The following NAV3 variants were observed in gnomAD, a reference collection of about 807,000 sequenced individuals.
NAV3 encodes the protein pore membrane and/or filament interacting like protein 1.
In NAV3, 87 loss-of-function variants were observed where a neutral mutation model predicts 244.7. The ratio of observed to expected loss-of-function variants is 0.36; its 90% CI spans 0.30 to 0.42. The LOEUF (loss-of-function observed/expected upper bound fraction) is 0.42. Among genes scored for constraint, NAV3 ranks in the 20% least tolerant of loss-of-function variants. The pLI, the probability that NAV3 is intolerant of heterozygous loss-of-function variation, is 1.00. For synonymous variants in NAV3, 1,126 were observed against 1,042.2 expected, an observed-to-expected ratio of 1.08 and a Z score of -1.55; for missense variants, 2,663 against 2,893.3, an observed-to-expected ratio of 0.92 and a Z score of 1.83.
chr12:77,897,461 G>C (rs1465016134), intron 1 of NAV3, among the ~76,000 whole-genome samples: 9 of 152,086 alleles, frequency 5.9e-5, no homozygotes, highest in Admixed American at 5.9e-4. Context: ...CCTCATCTCT[G>C]CTTTTTGATA....
At chr12:78,191,435 A>C (rs1033566882) in intron 34 of NAV3, among the ~76,000 whole-genome samples, 1 of 152,126 alleles carries the variant, frequency 6.6e-6, no homozygotes, top group African/African-American at 2.4e-5. Context: ...TGCACAGTGC[A>C]CGCGCACATA....
In NAV3 at chr12:78,073,809, A is replaced by G. The variant is rs577098129; in HGVS notation, c.2636+14694A>G. On this transcript the variant is annotated intron_variant, in intron 12 of 39. Coordinates refer to ENST00000397909, the MANE Select transcript of NAV3 (RefSeq NM_001024383.2). ...CAAACTATACTACAAGGCTACAGTAACCAAAACAGCATGGTACTGGTACCA... is the reference window on the plus strand; with the variant it reads ...CAAACTATACTACAAGGCTACAGTAGCCAAAACAGCATGGTACTGGTACCA... Among the ~76,000 whole-genome samples the G allele has an allele frequency of 4.1e-3, 622 of 152,290 alleles. 2 individuals carry two copies. The highest frequency in any genetic ancestry group is 0.014 in the African/African-American group (582 of 41,560).
At chr12:77,960,402 A>G (rs1471304570) in intron 3 of NAV3, among the ~76,000 whole-genome samples, 1 of 151,422 alleles carries the variant, frequency 6.6e-6, no homozygotes, top group African/African-American at 2.4e-5. Flanking sequence ...CCAAAATTAA[A>G]AAGAATCAAT....
intron 1 of NAV3, among the ~76,000 whole-genome samples, chr12:77,853,323 G>T (rs79268080): frequency 0.052 from 7,993 of 152,296 alleles, 334 homozygotes; most frequent in South Asian, 0.2. Flanking sequence ...CTAATAAGTA[G>T]TGAGCCTCTT....
At chr12:77,949,775 T>A (rs1290877523) in intron 3 of NAV3, among the ~76,000 whole-genome samples, 1 of 152,058 alleles carries the variant, frequency 6.6e-6, no homozygotes, top group African/African-American at 2.4e-5. Flanking sequence ...TATAATGACC[T>A]GTGTTACCAT....
intron 12 of NAV3, among the ~76,000 whole-genome samples, chr12:78,074,583 A>G (rs1952949936): frequency 6.6e-6 from 1 of 152,252 alleles, no homozygotes; most frequent in African/African-American, 2.4e-5. Flanking sequence ...TCGTGCCTGT[A>G]TTCTTAGCTA....
chr12:77,729,366 A>G (rs1200398109), intron 2 of NAV3, among the ~76,000 whole-genome samples: 4 of 151,942 alleles, frequency 2.6e-5, no homozygotes, highest in South Asian at 2.1e-4. Context: ...GCCTGATTTC[A>G]TACTTGAAGA....
intron 2 of NAV3, among the ~76,000 whole-genome samples, chr12:77,749,027 G>GA (rs1414780097): frequency 1.3e-5 from 2 of 152,022 alleles, no homozygotes; most frequent in South Asian, 4.1e-4. Context: ...CAAAGCGGGA[G>GA]AAAAAAAGGT....
At position 77,913,614 on chromosome 12, in the gene NAV3, T is replaced by C. The variant is rs545119088; in HGVS notation, c.244-26705T>C. Among the ~76,000 whole-genome samples, 17 of 152,146 alleles carry C rather than the reference T, an allele frequency of 1.1e-4. No homozygotes were observed. In the East Asian group the frequency reaches 2.9e-3, roughly 26 times the overall value. ...AGGAAATTTTGACCTAGAGAAGTTA[T>C]GGTTTCTTGGAAGATTGGACCCAAA... On this transcript the variant is annotated intron_variant, in intron 1 of 39. Transcript: ENST00000397909.
intron 20 of NAV3, among the ~76,000 whole-genome samples, chr12:78,142,849 T>C (rs1956689500): frequency 6.6e-6 from 1 of 151,230 alleles, no homozygotes; most frequent in Admixed American, 6.6e-5. Flanking sequence ...TATTAGAAAA[T>C]TGAAAGTTGT....
At chr12:77,868,152 A>G (rs1880367395) in intron 1 of NAV3, among the ~76,000 whole-genome samples, 2 of 152,168 alleles carry the variant, frequency 1.3e-5, no homozygotes, top group Non-Finnish European at 1.5e-5. Context: ...GGAGCAGCTT[A>G]CTAGGCTTCA....
At chr12:78,124,515 G>A (rs1455695770) in intron 16 of NAV3, among the ~76,000 whole-genome samples, 1 of 152,140 alleles carries the variant, frequency 6.6e-6, no homozygotes, top group Non-Finnish European at 1.5e-5. Flanking sequence ...GGGCAGTGGT[G>A]CCATCTCAGC....
rs148568878 is a variant in NAV3 at position 77,937,714 on chromosome 12, A to G, written c.244-2605A>G. On this transcript the variant is annotated intron_variant, in intron 1 of 39. Transcript: ENST00000397909. The stretch of plus-strand genomic sequence containing the variant: ...GAATTAGTGATAGGAGTAGTGTCAG[A>G]AGCAATTACTACAATTTCTTTAGTC... Among the ~76,000 whole-genome samples, 377 of 152,276 alleles carry G rather than the reference A, an allele frequency of 2.5e-3. 4 individuals are homozygous for G. The highest frequency in any genetic ancestry group is 7.7e-3 in the African/African-American group (318 of 41,556).
At position 78,188,850 on chromosome 12, in the gene NAV3, T is replaced by C. The variant is rs1019250818; in HGVS notation, c.6055+73T>C. 30 of 1,435,174 alleles carry C rather than the reference T, an allele frequency of 2.1e-5. No individual in the cohort carries two copies. The African/African-American group carries it at 4.1e-4, about 20-fold the overall frequency. The allele number at this position is 1,435,174 out of a possible 1,614,324, so 88.9% of individuals were successfully genotyped here. On this transcript the variant is annotated intron_variant, in intron 33 of 39. Coordinates refer to ENST00000397909, the MANE Select transcript of NAV3 (RefSeq NM_001024383.2). Reference sequence around the variant, plus strand: ...ATTTTATTCTGCCCCCCGCCCCTTTTTGGCCAGTTTCCCTTAAAATTTTTC... The same window carrying C: ...ATTTTATTCTGCCCCCCGCCCCTTTCTGGCCAGTTTCCCTTAAAATTTTTC...
intron 29 of NAV3, 22 bp from the exon 30 acceptor site, chr12:78,180,849 A>G (rs58277077): frequency 1.3e-6 from 2 of 1,586,086 alleles, no homozygotes; most frequent in South Asian, 1.1e-5. Flanking sequence ...AGTTTTTTTC[A>G]TGTTTTCCAT....
intron 1 of NAV3, among the ~76,000 whole-genome samples, chr12:77,937,183 C>T (rs1889404969): frequency 6.6e-6 from 1 of 152,110 alleles, no homozygotes; most frequent in Non-Finnish European, 1.5e-5. Flanking sequence ...ATAGCCATTG[C>T]TCTCACTGAT....
At chr12:77,947,335 T>A (rs910266678) in intron 3 of NAV3, 2 of 151,954 alleles carry the variant, frequency 1.3e-5, no homozygotes, top group African/African-American at 4.8e-5. Flanking sequence ...AAAAAGCCCA[T>A]GCTTTTATCA....
At position 77,864,643 on chromosome 12, in the gene NAV3, C is replaced by A. The variant is rs927927833; in HGVS notation, c.243+32939C>A. ...ATAAAGTCTCTGCTCAATTTTTAAGCAAACTTTTTTCCTATTTGAAGTCCC... is the reference window on the plus strand; with the variant it reads ...ATAAAGTCTCTGCTCAATTTTTAAGAAAACTTTTTTCCTATTTGAAGTCCC... On this transcript the variant is annotated intron_variant, in intron 1 of 39. Coordinates refer to ENST00000397909, the MANE Select transcript of NAV3 (RefSeq NM_001024383.2). 3.9e-5 allele frequency among the ~76,000 whole-genome samples: 6 copies of A among 151,970 alleles called. No homozygotes were observed. The East Asian group carries it at 5.8e-4, about 15-fold the overall frequency.
intron 12 of NAV3, among the ~76,000 whole-genome samples, chr12:78,067,243 T>G (rs1346156510): frequency 6.6e-6 from 1 of 152,136 alleles, no homozygotes; most frequent in Non-Finnish European, 1.5e-5. Flanking sequence ...TTCATTAGCT[T>G]ACTGGCTCTC....
Sources: gnomAD v4.1 joint callset for allele counts (sites outside exome capture counted in the v4.1 genomes callset) on GRCh38, gnomAD v4.1.1 for gene constraint, MANE v1.5 for transcripts, NCBI Gene and HGNC (gene_info 2026-07-23, HGNC 2026-07-21) for gene names.